The following ARB2A variants were observed in gnomAD, a reference collection of about 807,000 sequenced individuals.
The protein encoded by ARB2A is cotranscriptional regulator ARB2A.
chr5:94,088,538 A>G, the ARB2A span, among the ~76,000 whole-genome samples: 1 of 152,052 alleles, frequency 6.6e-6, no homozygotes, highest in Non-Finnish European at 1.5e-5. Flanking sequence ...AAAATTAGCC[A>G]GATGCATTGG....
the ARB2A span, among the ~76,000 whole-genome samples, chr5:94,102,926 TA>T: frequency 6.6e-6 from 1 of 152,086 alleles, no homozygotes; most frequent in Non-Finnish European, 1.5e-5. Context: ...CTTTGCTTCA[TA>T]AGTAAAAGAG....
At chr5:94,106,882 A>AC in the ARB2A span, among the ~76,000 whole-genome samples, 3 of 151,098 alleles carry the variant, frequency 2.0e-5, no homozygotes, top group African/African-American at 7.2e-5. Context: ...AAAAAAAAAA[A>AC]AAAAAAAAAA....
chr5:93,740,890 A>G, the ARB2A span: 1 of 1,613,960 alleles, frequency 6.2e-7, no homozygotes, highest in Non-Finnish European at 8.5e-7. Context: ...GAATTTCTCC[A>G]GGCTGTTTCC....
chr5:93,953,065 A>C, the ARB2A span, among the ~76,000 whole-genome samples: 1 of 151,994 alleles, frequency 6.6e-6, no homozygotes, highest in South Asian at 2.1e-4. Context: ...TGTTAGCTTG[A>C]GTTTATTTAA....
chr5:93,636,194 G>A, the ARB2A span, among the ~76,000 whole-genome samples: 2 of 152,162 alleles, frequency 1.3e-5, no homozygotes, highest in Non-Finnish European at 2.9e-5. Flanking sequence ...GTGGCCACTA[G>A]AAAGAGGAAG....
chr5:93,914,251 C>T, the ARB2A span, among the ~76,000 whole-genome samples: 1 of 151,870 alleles, frequency 6.6e-6, no homozygotes, highest in Non-Finnish European at 1.5e-5. Context: ...GCTATGAGTA[C>T]TCCATATGAA....
At chr5:93,680,423 T>C in the ARB2A span, among the ~76,000 whole-genome samples, 9 of 152,128 alleles carry the variant, frequency 5.9e-5, no homozygotes, top group Non-Finnish European at 8.8e-5. Context: ...AAGATCATAA[T>C]TGCTAGTTAG....
the ARB2A span, among the ~76,000 whole-genome samples, chr5:93,701,303 GCAGA>G: frequency 6.6e-6 from 1 of 152,146 alleles, no homozygotes; most frequent in Non-Finnish European, 1.5e-5. Flanking sequence ...CTATGTTTTA[GCAGA>G]CACTTTCAAT....
the ARB2A span, among the ~76,000 whole-genome samples, chr5:94,085,610 C>T: frequency 7.9e-5 from 12 of 152,172 alleles, no homozygotes; most frequent in Non-Finnish European, 1.3e-4. Flanking sequence ...TCCTTGACAT[C>T]CTACTGGCAG....
the ARB2A span, among the ~76,000 whole-genome samples, chr5:93,961,993 T>C: frequency 6.6e-6 from 1 of 152,204 alleles, no homozygotes; most frequent in Non-Finnish European, 1.5e-5. Context: ...TCTATAAAGA[T>C]AGTGCTAATT....
At chr5:93,848,373 CTCTG>C in the ARB2A span, among the ~76,000 whole-genome samples, 1 of 148,998 alleles carries the variant, frequency 6.7e-6, no homozygotes, top group African/African-American at 2.5e-5. Context: ...CAGAGCGAGA[CTCTG>C]TCTAAAGATT....
the ARB2A span, among the ~76,000 whole-genome samples, chr5:94,099,576 A>G: frequency 2.9e-5 from 4 of 139,828 alleles, no homozygotes; most frequent in African/African-American, 1.1e-4. Context: ...GTGAGCCGAG[A>G]TCGCGCCACT....
chr5:94,091,228 T>C, the ARB2A span, among the ~76,000 whole-genome samples: 2 of 152,220 alleles, frequency 1.3e-5, no homozygotes, highest in Non-Finnish European at 2.9e-5. Context: ...AAGGTTGTTT[T>C]AAATAGTTTG....
chr5:94,044,518 T>G, the ARB2A span, among the ~76,000 whole-genome samples: 6 of 152,034 alleles, frequency 3.9e-5, no homozygotes, highest in Non-Finnish European at 8.8e-5. Flanking sequence ...AGAAGATAGA[T>G]CTTCATCCCT....
At chr5:94,066,169 C>A in the ARB2A span, among the ~76,000 whole-genome samples, 1 of 151,780 alleles carries the variant, frequency 6.6e-6, no homozygotes, top group African/African-American at 2.4e-5. Flanking sequence ...CACGACATAC[C>A]AAAACCTACG....
At chr5:93,690,506 T>C in the ARB2A span, among the ~76,000 whole-genome samples, 2 of 151,996 alleles carry the variant, frequency 1.3e-5, no homozygotes, top group Non-Finnish European at 2.9e-5. Flanking sequence ...CTCTCTAAAT[T>C]CCTCCTCTCT....
chr5:93,684,366 T>C, the ARB2A span, among the ~76,000 whole-genome samples: 1 of 152,218 alleles, frequency 6.6e-6, no homozygotes, highest in Non-Finnish European at 1.5e-5. Flanking sequence ...ACGTGAGGAT[T>C]AATCGACATA....
At chr5:93,620,790 A>C in the ARB2A span, 1 of 582,088 alleles carries the variant, frequency 1.7e-6, no homozygotes, top group African/African-American at 1.9e-5. Context: ...AGGAAGCACG[A>C]CCAGTGAACC....
the ARB2A span, among the ~76,000 whole-genome samples, chr5:93,897,735 T>G: frequency 2.6e-5 from 4 of 151,912 alleles, no homozygotes; most frequent in South Asian, 4.1e-4. Context: ...CTAAAAATAT[T>G]TGGGGGAGAG....
Sources: gnomAD v4.1 joint callset for allele counts (sites outside exome capture counted in the v4.1 genomes callset) on GRCh38, gnomAD v4.1.1 for gene constraint, MANE v1.5 for transcripts, NCBI Gene and HGNC (gene_info 2026-07-23, HGNC 2026-07-21) for gene names.